Variants in ASTN2 observed in about 807,000 individuals in gnomAD.
ASTN2 encodes the protein astrotactin-2.
ASTN2 carries 54 observed loss-of-function variants against 139.8 expected under a neutral mutation model. The ratio of observed to expected loss-of-function variants is 0.39; its 90% CI spans 0.31 to 0.48. The LOEUF (loss-of-function observed/expected upper bound fraction) is 0.48, where lower values mean the gene tolerates loss of function less well. ASTN2 is among the 20% of genes least tolerant of loss of function. The pLI, the probability that ASTN2 is intolerant of heterozygous loss-of-function variation, is 0.95. For synonymous variants in ASTN2, 756 were observed against 719.5 expected (o/e 1.05, Z -0.81); for missense variants, 1,565 against 1,725.1 (o/e 0.91, Z 1.64).
Position 117,239,554 on chromosome 9 carries a change from G to T in ASTN2, c.631-24812C>A, listed in dbSNP as rs549643410. 1.5e-3 allele frequency among the ~76,000 whole-genome samples: 225 copies of T among 152,298 alleles called. 1 individual carries two copies. The highest frequency in any genetic ancestry group is 8.1e-3 in the South Asian group (39 of 4,818). ...GAATAATAATAAAGAGCTAACATTTGCATGGTGTTTACTCCTGTTTCAAGG... is the reference window on the plus strand; with the variant it reads ...GAATAATAATAAAGAGCTAACATTTTCATGGTGTTTACTCCTGTTTCAAGG... On this transcript the variant is annotated intron_variant, in intron 2 of 22. Coordinates refer to ENST00000313400, the MANE Select transcript of ASTN2 (RefSeq NM_001365068.1).
intron 10 of ASTN2, among the ~76,000 whole-genome samples, chr9:116,865,051 T>C (rs919053836): frequency 3.9e-5 from 6 of 152,192 alleles, no homozygotes; most frequent in Admixed American, 3.9e-4. Context: ...TCTCCTCACA[T>C]CTCTATCCAC....
intron 19 of ASTN2, chr9:116,546,790 C>T (rs2119380309): frequency 6.6e-6 from 1 of 152,252 alleles, no homozygotes; most frequent in Non-Finnish European, 1.5e-5. Flanking sequence ...AGACTTTTTA[C>T]TAAATTTCCA....
chr9:116,732,166 G>A (rs974907095), intron 14 of ASTN2, among the ~76,000 whole-genome samples: 1 of 152,222 alleles, frequency 6.6e-6, no homozygotes, highest in Non-Finnish European at 1.5e-5. Flanking sequence ...CAGCTTTGGA[G>A]TCAAGACCGA....
intron 10 of ASTN2, among the ~76,000 whole-genome samples, chr9:116,909,804 G>T (rs2132418669): frequency 6.6e-6 from 1 of 152,350 alleles, no homozygotes; most frequent in East Asian, 1.9e-4. Context: ...TAACAGGAAG[G>T]AGTGACCAGC....
intron 13 of ASTN2, among the ~76,000 whole-genome samples, chr9:116,742,080 T>C (rs1447591786): frequency 6.6e-6 from 1 of 152,260 alleles, no homozygotes; most frequent in East Asian, 1.9e-4. Flanking sequence ...ATGCCTTCTA[T>C]GTATGTGTGC....
chr9:116,724,393 C>A (rs972263997), intron 16 of ASTN2, among the ~76,000 whole-genome samples: 2 of 152,146 alleles, frequency 1.3e-5, no homozygotes, highest in African/African-American at 4.8e-5. Context: ...ACACAGGAAG[C>A]AGAAAGGGCT....
At chr9:117,349,231 T>A (rs1238618718) in intron 1 of ASTN2, among the ~76,000 whole-genome samples, 1 of 152,168 alleles carries the variant, frequency 6.6e-6, no homozygotes, top group African/African-American at 2.4e-5. Context: ...CAAGGAGAGA[T>A]CACCAAGGTC....
chr9:116,812,949 A>G (rs1371888386), intron 12 of ASTN2, among the ~76,000 whole-genome samples: 1 of 152,160 alleles, frequency 6.6e-6, no homozygotes, highest in Non-Finnish European at 1.5e-5. Context: ...AAACAGGAGC[A>G]GTTCTCCCCC....
intron 2 of ASTN2, among the ~76,000 whole-genome samples, chr9:117,256,861 C>T (rs1330083656): frequency 6.6e-6 from 1 of 151,912 alleles, no homozygotes; most frequent in Non-Finnish European, 1.5e-5. Flanking sequence ...ATTTTCTATG[C>T]ATTTAAGAGA....
At chr9:116,780,528 G>A (rs372371804) in intron 13 of ASTN2, among the ~76,000 whole-genome samples, 6 of 152,172 alleles carry the variant, frequency 3.9e-5, no homozygotes, top group East Asian at 3.9e-4. Context: ...CAATTGGAAA[G>A]TGAGGAAGTG....
At chr9:116,470,367 C>T (rs1848775451) in intron 20 of ASTN2, among the ~76,000 whole-genome samples, 1 of 152,074 alleles carries the variant, frequency 6.6e-6, no homozygotes, top group African/African-American at 2.4e-5. Context: ...AATGTGACTT[C>T]TGGGGATGCT....
chr9:117,364,713 A>C (rs1359806187), intron 1 of ASTN2, among the ~76,000 whole-genome samples: 2 of 152,152 alleles, frequency 1.3e-5, no homozygotes, highest in Non-Finnish European at 2.9e-5. Context: ...TTATAGAAGC[A>C]TCTGGGCTTA....
At chr9:117,261,774 G>T (rs541483475) in intron 2 of ASTN2, among the ~76,000 whole-genome samples, 114 of 152,246 alleles carry the variant, frequency 7.5e-4, no homozygotes, top group African/African-American at 2.7e-3. Flanking sequence ...TCCAATTTCA[G>T]CTAGCAGCAG....
intron 19 of ASTN2, among the ~76,000 whole-genome samples, chr9:116,532,967 CAAT>C: frequency 6.6e-6 from 1 of 152,076 alleles, no homozygotes; most frequent in African/African-American, 2.4e-5. Context: ...GGCCATTTTG[CAAT>C]ATTGATTCTT....
intron 6 of ASTN2, among the ~76,000 whole-genome samples, chr9:117,030,688 C>A (rs1296665020): frequency 6.6e-6 from 1 of 150,870 alleles, no homozygotes; most frequent in Admixed American, 6.6e-5. Context: ...CTATTTAAGG[C>A]AGAAAATGGC....
intron 4 of ASTN2, among the ~76,000 whole-genome samples, chr9:117,119,289 G>A (rs1174533580): frequency 6.6e-6 from 1 of 152,188 alleles, no homozygotes; most frequent in Non-Finnish European, 1.5e-5. Flanking sequence ...GGAACTCTCT[G>A]GGGAGATGAA....
chr9:116,767,328 A>G (rs1829838021), intron 13 of ASTN2, among the ~76,000 whole-genome samples: 1 of 152,092 alleles, frequency 6.6e-6, no homozygotes, highest in Non-Finnish European at 1.5e-5. Flanking sequence ...TCTCCCTATG[A>G]GAGGAGGGAG....
chr9:116,440,547 C>G, intron 22 of ASTN2, 62 bp downstream of exon 22: 5 of 1,513,970 alleles, frequency 3.3e-6, no homozygotes, highest in Non-Finnish European at 4.5e-6. Context: ...GGGAAAGGGT[C>G]CAGAAAAGTC....
chr9:116,769,953 G>T (rs950641638), intron 13 of ASTN2, among the ~76,000 whole-genome samples: 1 of 151,994 alleles, frequency 6.6e-6, no homozygotes, highest in East Asian at 1.9e-4. Flanking sequence ...GGCTGAAGAA[G>T]GAGTTTGAGT....
Sources: allele counts gnomAD v4.1 joint callset (sites outside exome capture counted in the v4.1 genomes callset), GRCh38; gene constraint gnomAD v4.1.1; transcripts MANE v1.5; gene names NCBI Gene and HGNC (gene_info 2026-07-23, HGNC 2026-07-21).